CGGBP1: variants seen among roughly 807,000 people sequenced by gnomAD.
CGGBP1 encodes the protein CGG triplet repeat binding protein 1, also known as CGG triplet repeat-binding protein 1.
CGGBP1 carries 4 observed loss-of-function variants against 11.4 expected under a neutral mutation model. The observed-to-expected ratio is 0.35, with a 90% CI of 0.17 to 0.80. The LOEUF is 0.80. Ranked by LOEUF, CGGBP1 falls within the 30% of genes least tolerant of loss-of-function variation. The pLI is 0.52. For missense variants in CGGBP1, 135 were observed against 202.1 expected (o/e 0.67, Z 2.01); for synonymous variants, 76 against 74.1 (o/e 1.03, Z -0.13).
intron 2 of CGGBP1, chr3:88,140,200 C>T: frequency 6.2e-7 from 1 of 1,613,834 alleles, no homozygotes; most frequent in Non-Finnish European, 8.5e-7. Context: ...ATATTTCAGG[C>T]TCAGTGTAGT....
At chr3:88,120,866 T>TA (rs1328769159) in intron 2 of CGGBP1, among the ~76,000 whole-genome samples, 2 of 152,112 alleles carry the variant, frequency 1.3e-5, no homozygotes, top group East Asian at 3.8e-4. Flanking sequence ...ATCACAGTGA[T>TA]ATAGTAATTC....
intron 2 of CGGBP1, among the ~76,000 whole-genome samples, chr3:88,103,748 A>C (rs1704568969): frequency 6.7e-6 from 1 of 149,482 alleles, no homozygotes; most frequent in African/African-American, 2.5e-5. Flanking sequence ...TGATGAAAGA[A>C]AGAGATGTAT....
In CGGBP1 at chr3:88,055,357, A is replaced by C; in HGVS notation, c.*116T>G. 1 of 1,094,586 alleles carries C rather than the reference A, an allele frequency of 9.1e-7. No homozygotes were observed. Among genetic ancestry groups the C allele is most frequent in the East Asian group, 2.4e-5 (1 of 40,946 alleles). The allele number at this position is 1,094,586 out of a possible 1,614,324, so 67.8% of individuals were successfully genotyped here. ...TGCCTGCAACTATATACACATTGCA[A>C]AACTATTCTGCGTCACATGATTTTA... is the stretch of plus-strand genomic sequence containing the variant. On this transcript the variant is annotated 3_prime_UTR_variant, in exon 4 of 4. Coordinates refer to ENST00000482016, the MANE Select transcript of CGGBP1 (RefSeq NM_001008390.2). This position sits in a 1 kb window ranked among gnomAD's most constrained non-coding sequence, Gnocchi z 4.2.
At position 88,104,439 on chromosome 3, in the gene CGGBP1, T is replaced by C. The variant is rs189850509; in HGVS notation, c.-229+36531A>G. On this transcript the variant is annotated intron_variant, in intron 2 of 3. Transcript: ENST00000462901. ...AAGCAGCCATAAACACTACATAAAT[T>C]AATGGATAGCGTTGTGTTTCAACAC... is the stretch of plus-strand genomic sequence containing the variant. 2.8e-3 allele frequency among the ~76,000 whole-genome samples: 427 copies of C among 152,276 alleles called. 8 individuals are homozygous for C. Among genetic ancestry groups the C allele is most frequent in the Admixed American group, 0.025 (389 of 15,296 alleles).
intron 2 of CGGBP1, chr3:88,139,475 A>C: frequency 6.2e-7 from 1 of 1,613,796 alleles, no homozygotes; most frequent in Non-Finnish European, 8.5e-7. Flanking sequence ...AGAGGCAGCA[A>C]ATTGCTGCAG....
At chr3:88,114,900 T>A (rs1479391740) in intron 2 of CGGBP1, among the ~76,000 whole-genome samples, 1 of 152,210 alleles carries the variant, frequency 6.6e-6, no homozygotes, top group Non-Finnish European at 1.5e-5. Context: ...TGACCAATAG[T>A]GATAAGTGAC....
intron 2 of CGGBP1, among the ~76,000 whole-genome samples, chr3:88,130,529 G>A (rs1358366164): frequency 6.6e-6 from 1 of 151,850 alleles, no homozygotes; most frequent in African/African-American, 2.4e-5. Context: ...ATGGCTCACT[G>A]CAGCCTCAAC....
intron 2 of CGGBP1, among the ~76,000 whole-genome samples, chr3:88,118,194 C>CT (rs1705529184): frequency 6.6e-6 from 1 of 152,078 alleles, no homozygotes; most frequent in Admixed American, 6.6e-5. Flanking sequence ...TCGCAAAGAT[C>CT]TTTTTTGTTC....
At chr3:88,144,474 T>C (rs187575030) in intron 1 of CGGBP1, 3 of 152,542 alleles carry the variant, frequency 2.0e-5, no homozygotes, top group Admixed American at 1.3e-4. Context: ...GTGAAAGATA[T>C]TACAGATTCA....
chr3:88,143,226 T>G (rs1271331528), intron 1 of CGGBP1: 1 of 150,568 alleles, frequency 6.6e-6, no homozygotes, highest in South Asian at 2.1e-4. Flanking sequence ...GATCAGATGA[T>G]TTTTTTTTAA....
At chr3:88,095,457 G>A (rs779109831) in intron 2 of CGGBP1, 6 of 372,766 alleles carry the variant, frequency 1.6e-5, no homozygotes, top group South Asian at 2.2e-5. Context: ...CTCAAGGTAC[G>A]CATGCAACAT....
chr3:88,113,317 G>C, intron 2 of CGGBP1: 2 of 551,832 alleles, frequency 3.6e-6, no homozygotes, highest in East Asian at 3.2e-5. Context: ...TAAGGTGACA[G>C]TGTTTAAGAT....
intron 1 of CGGBP1, among the ~76,000 whole-genome samples, chr3:88,145,049 A>G (rs1452563573): frequency 7.6e-6 from 1 of 132,344 alleles, no homozygotes; most frequent in Admixed American, 8.3e-5. Context: ...AAAAATGAAG[A>G]GCTTCTGGTG....
intron 2 of CGGBP1, among the ~76,000 whole-genome samples, chr3:88,124,216 T>C (rs992543948): frequency 3.3e-5 from 5 of 152,202 alleles, no homozygotes; most frequent in Admixed American, 1.3e-4. Flanking sequence ...TGTATATTAT[T>C]ACTTCATCCT....
At chr3:88,140,843 A>G in intron 2 of CGGBP1, 1 of 1,613,712 alleles carries the variant, frequency 6.2e-7, no homozygotes, top group South Asian at 1.1e-5. Context: ...ACCTTGATGA[A>G]CGGTATCTTA....
intron 2 of CGGBP1, among the ~76,000 whole-genome samples, chr3:88,093,677 T>C (rs537088869): frequency 6.6e-6 from 1 of 152,236 alleles, no homozygotes; most frequent in Non-Finnish European, 1.5e-5. Flanking sequence ...CCTTTCTGAT[T>C]ATGTTGCTAA....
At chr3:88,076,116 C>T (rs1707789102) in intron 2 of CGGBP1, among the ~76,000 whole-genome samples, 1 of 152,146 alleles carries the variant, frequency 6.6e-6, no homozygotes, top group African/African-American at 2.4e-5. Flanking sequence ...GGTAATCTCC[C>T]TGCTTTTTAA....
At chr3:88,074,344 CTT>C (rs60776911) in intron 2 of CGGBP1, among the ~76,000 whole-genome samples, 1 of 137,616 alleles carries the variant, frequency 7.3e-6, no homozygotes, top group Non-Finnish European at 1.5e-5. Flanking sequence ...TTATATCTTA[CTT>C]TTTTTTTTTT....
chr3:88,071,923 AAT>A, intron 2 of CGGBP1, among the ~76,000 whole-genome samples: 1 of 152,354 alleles, frequency 6.6e-6, no homozygotes, highest in East Asian at 1.9e-4. Flanking sequence ...ACAACTATTA[AAT>A]GCTCATAACT....
Sources: gnomAD v4.1 joint callset for allele counts (sites outside exome capture counted in the v4.1 genomes callset) on GRCh38, gnomAD v4.1.1 for gene constraint, Gnocchi (gnomAD v3.1) non-coding constraint, MANE v1.5 for transcripts, NCBI Gene and HGNC (gene_info 2026-07-23, HGNC 2026-07-21) for gene names.